Variants in KAT7 observed in about 807,000 individuals in gnomAD.
KAT7 encodes the protein lysine acetyltransferase 7, also known as histone acetyltransferase KAT7.
KAT7 carries 10 observed loss-of-function variants against 82.1 expected under a neutral mutation model. The observed-to-expected ratio is 0.12, with a 90% CI of 0.08 to 0.21. The LOEUF (loss-of-function observed/expected upper bound fraction) is 0.21, where lower values mean the gene tolerates loss of function less well. KAT7 is among the 10% of genes least tolerant of loss of function. KAT7 has a pLI of 1.00. For synonymous variants in KAT7, 250 were observed against 262.5 expected (o/e 0.95, Z 0.46); for missense variants, 378 against 760.9 (o/e 0.50, Z 5.92).
chr17:49,818,587 T>C (rs906942311), intron 9 of KAT7, among the ~76,000 whole-genome samples: 7 of 152,182 alleles, frequency 4.6e-5, no homozygotes, highest in African/African-American at 1.7e-4. Flanking sequence ...CAAATAGGTT[T>C]ACTAGATTTT....
intron 1 of KAT7, 52 bp from the exon 2 acceptor site, chr17:49,791,834 A>C (rs374923863): frequency 5.7e-6 from 9 of 1,570,714 alleles, no homozygotes; most frequent in Non-Finnish European, 7.9e-6. Context: ...TGTTAATGCA[A>C]ACTCTCAGAC....
chr17:49,798,623 A>G, intron 4 of KAT7, 65 bp downstream of exon 4: 3 of 1,511,272 alleles, frequency 2.0e-6, no homozygotes, highest in Admixed American at 2.1e-5. Context: ...ATCATCCAGA[A>G]ATGTTTTGTG....
rs1256340538 is a variant in KAT7, at chr17:49,830,415, T to C, written c.*2913T>C. On this transcript the variant is annotated 3_prime_UTR_variant, in exon 15 of 15. Coordinates refer to ENST00000259021, the MANE Select transcript of KAT7 (RefSeq NM_007067.5). ...TGTTGGCCAGGCCAGTCTCAAACTC[T>C]TGACCTCAAGTGATCACCCGCCTCA... is the stretch of plus-strand genomic sequence containing the variant. 1 of 151,758 alleles carries C rather than the reference T, an allele frequency of 6.6e-6. No homozygotes were observed. The highest frequency in any genetic ancestry group is 1.5e-5 in the Non-Finnish European group (1 of 67,956). 9.4% of individuals were successfully genotyped at this position (151,758 alleles called of 1,614,324 possible). A position where few individuals can be genotyped will look rare whatever the true frequency, so the allele number is the denominator to read the frequency against.
chr17:49,798,671 C>T (rs2073986180), intron 4 of KAT7, 113 bp downstream of exon 4: 1 of 1,111,542 alleles, frequency 9.0e-7, no homozygotes, highest in Non-Finnish European at 1.3e-6. Flanking sequence ...CTTCAGTGGT[C>T]ATGTGCTGAG....
At chr17:49,827,324 G>T (rs1242151226) in intron 14 of KAT7, 77 bp from the exon 15 acceptor site, 3 of 840,738 alleles carry the variant, frequency 3.6e-6, no homozygotes, top group East Asian at 4.9e-5. Context: ...CCTTCTTGGC[G>T]GTTAGTTATT....
intron 2 of KAT7, among the ~76,000 whole-genome samples, chr17:49,794,254 C>T (rs2073925990): frequency 6.6e-6 from 1 of 152,120 alleles, no homozygotes; most frequent in Non-Finnish European, 1.5e-5. Flanking sequence ...GGTGGGACAG[C>T]CAACTTAGGG....
At position 49,796,739 on chromosome 17, in the gene KAT7, A is replaced by T. The variant is rs2073961242; in HGVS notation, c.164-11A>T. ...TCTTTTTTCTTTATTTTCTTTTAAA[A>T]TTGGGATCAGATTCCAGTCCTGTTC... On this transcript the variant is annotated splice_polypyrimidine_tract_variant and intron_variant, in intron 2 of 14. Coordinates refer to ENST00000259021, the MANE Select transcript of KAT7 (RefSeq NM_007067.5). 6.5e-7 allele frequency: 1 copy of T among 1,533,460 alleles called. No individual in the cohort carries two copies. The highest frequency in any genetic ancestry group is 8.8e-7 in the Non-Finnish European group (1 of 1,133,392). 95.0% of individuals were successfully genotyped at this position (1,533,460 alleles called of 1,614,324 possible).
chr17:49,804,236 G>A (rs188774463), intron 4 of KAT7, among the ~76,000 whole-genome samples: 1 of 152,160 alleles, frequency 6.6e-6, no homozygotes, highest in East Asian at 1.9e-4. Flanking sequence ...AAAATTAGCC[G>A]GGCGTGGCGG....
chr17:49,826,420 C>A, intron 13 of KAT7: 1 of 497,174 alleles, frequency 2.0e-6, no homozygotes, highest in South Asian at 2.9e-5. Flanking sequence ...GAAAGACATC[C>A]CTGTGTATTT....
chr17:49,805,048 C>T (rs528712990), intron 4 of KAT7, among the ~76,000 whole-genome samples: 29 of 152,202 alleles, frequency 1.9e-4, no homozygotes, highest in African/African-American at 7.0e-4. Context: ...GAAAGTGTTC[C>T]TGTTCATAGT....
At position 49,826,171 on chromosome 17, in the gene KAT7, G is replaced by A. The variant is rs779332699; in HGVS notation, c.1627+25G>A. On this transcript the variant is annotated intron_variant, in intron 13 of 14. Coordinates refer to ENST00000259021, the MANE Select transcript of KAT7 (RefSeq NM_007067.5). ...GGTTGGTTTTTGACTCCTTGGAATG[G>A]TTGATTGTTACCCAAGAAGTTAACT... 3 of 1,606,896 alleles carry A rather than the reference G, an allele frequency of 1.9e-6. No homozygotes were observed. The South Asian group carries it at 3.3e-5, about 18-fold the overall frequency.
chr17:49,805,355 T>G lies in KAT7; in HGVS notation c.581-8T>G, dbSNP rs568817259. On this transcript the variant is annotated splice_region_variant and splice_polypyrimidine_tract_variant and intron_variant, in intron 4 of 14. Coordinates refer to ENST00000259021, the MANE Select transcript of KAT7 (RefSeq NM_007067.5). ...TTTCTTGAGATTAAGTTTTCCCTCC[T>G]TTAACAGGACACCTTACAGGAAAAC... The G allele has an allele frequency of 6.3e-7, 1 of 1,595,924 alleles. No individual in the cohort carries two copies. Among genetic ancestry groups the G allele is most frequent in the African/African-American group, 1.3e-5 (1 of 74,674 alleles).
At chr17:49,792,799 A>G (rs908526609) in intron 2 of KAT7, among the ~76,000 whole-genome samples, 7 of 152,062 alleles carry the variant, frequency 4.6e-5, no homozygotes, top group Admixed American at 4.6e-4. Context: ...TCGGTAGGTT[A>G]GGTGTATAGC....
rs2144023376 is a variant in KAT7 at position 49,834,190 on chromosome 17, C to G, written c.*6688C>G. ...TGAGACAGGGTCTCCTTCTGTCACC[C>G]AGGCTGGAGTGCAGTGGTACGATCA... On this transcript the variant is annotated 3_prime_UTR_variant, in exon 15 of 15. Transcript: ENST00000259021. The G allele has an allele frequency of 6.6e-6, 1 of 152,386 alleles. No individual in the cohort carries two copies. The highest frequency in any genetic ancestry group is 2.1e-4 in the South Asian group (1 of 4,830). 9.4% of individuals were successfully genotyped at this position (152,386 alleles called of 1,614,324 possible).
chr17:49,826,649 G>A, intron 13 of KAT7, 44 bp from the exon 14 acceptor site: 2 of 1,348,268 alleles, frequency 1.5e-6, no homozygotes, highest in Non-Finnish European at 2.1e-6. Flanking sequence ...AAAGGGGTGG[G>A]AACCTGCACT....
At chr17:49,813,871 CTTT>C (rs1245745231) in intron 7 of KAT7, among the ~76,000 whole-genome samples, 2 of 142,646 alleles carry the variant, frequency 1.4e-5, no homozygotes, top group Non-Finnish European at 3.1e-5. Context: ...ACTGTATTTC[CTTT>C]TTTTTTTTTT....
rs2074440908 is a variant in KAT7, at chr17:49,833,585, T to C, written c.*6083T>C. The C allele has an allele frequency of 6.6e-6, 1 of 152,196 alleles. No homozygotes were observed. Among genetic ancestry groups the C allele is most frequent in the African/African-American group, 2.4e-5 (1 of 41,446 alleles). The allele number at this position is 152,196 out of a possible 1,614,324, so 9.4% of individuals were successfully genotyped here. ...GCTCTTGAAAATAAGCTGACACGTT[T>C]CCAAACGAGAAGCTTGGGCTAAATT... On this transcript the variant is annotated 3_prime_UTR_variant, in exon 15 of 15. Coordinates refer to ENST00000259021, the MANE Select transcript of KAT7 (RefSeq NM_007067.5).
At chr17:49,820,762 T>C (rs540021210) in intron 9 of KAT7, among the ~76,000 whole-genome samples, 224 of 149,854 alleles carry the variant, frequency 1.5e-3, no homozygotes, top group African/African-American at 5.3e-3. Context: ...TTTTTTTTTT[T>C]TTTTTTTCTT....
At chr17:49,814,782 T>TA (rs1044280517) in intron 7 of KAT7, among the ~76,000 whole-genome samples, 7 of 152,264 alleles carry the variant, frequency 4.6e-5, no homozygotes, top group Admixed American at 2.0e-4. Context: ...TCTTAGATGA[T>TA]AGAGTCCAAA....
Sources: allele counts gnomAD v4.1 joint callset (sites outside exome capture counted in the v4.1 genomes callset), GRCh38; gene constraint gnomAD v4.1.1; transcripts MANE v1.5; gene names NCBI Gene and HGNC (gene_info 2026-07-23, HGNC 2026-07-21).